The following ACVR2A variants were observed in gnomAD, a reference collection of about 807,000 sequenced individuals.
ACVR2A encodes activin A receptor type 2A.
A neutral mutation model predicts 61.4 loss-of-function variants in ACVR2A; 7 were observed. The ratio of observed to expected loss-of-function variants is 0.11; its 90% CI spans 0.06 to 0.21. ACVR2A has a LOEUF of 0.21. Among genes scored for constraint, ACVR2A ranks in the 10% least tolerant of loss-of-function variants. ACVR2A has a pLI of 1.00. For missense variants in ACVR2A, 322 were observed against 621.7 expected (o/e 0.52, Z 5.13); for synonymous variants, 193 against 208.3 (o/e 0.93, Z 0.63).
At chr2:147,904,978 A>G (rs1445747065) in intron 4 of ACVR2A, among the ~76,000 whole-genome samples, 1 of 152,052 alleles carries the variant, frequency 6.6e-6, no homozygotes, top group Non-Finnish European at 1.5e-5. Context: ...TTATGAACAC[A>G]TCTCTTTCTC....
intron 1 of ACVR2A, among the ~76,000 whole-genome samples, chr2:147,850,228 T>G (rs1249916787): frequency 6.6e-6 from 1 of 152,138 alleles, no homozygotes; most frequent in African/African-American, 2.4e-5. Flanking sequence ...ACTGCTTGCT[T>G]GTGGAACCCA....
chr2:147,915,333 A>G lies in ACVR2A; in HGVS notation c.671A>G (p.Gln224Arg), dbSNP rs775338527. ...GTGGCTGTCAAAATATTTCCAATAC[A>G]GGTATGTTTATTGCAGTTTTGTCAT... ...EYVAVKIFPI[Q>R]DKQSWQNEYE... Residue 224 changes from glutamine to arginine, a missense_variant and splice_region_variant, in exon 5 of 11, where the codon CAG becomes CGG. By Grantham distance (43) the Gln-to-Arg change is conservative. Transcript: ENST00000241416. 1.2e-6 allele frequency: 2 copies of G among 1,611,376 alleles called. No homozygotes were observed. Among genetic ancestry groups the G allele is most frequent in the South Asian group, 1.1e-5 (1 of 90,946 alleles).
chr2:147,927,197 A>G lies in ACVR2A; in HGVS notation c.1465A>G (p.Ile489Val), dbSNP rs775215388. 1 of 1,612,310 alleles carries G rather than the reference A, an allele frequency of 6.2e-7. No individual in the cohort carries two copies. The highest frequency in any genetic ancestry group is 1.3e-5 in the African/African-American group (1 of 74,896). Residue 489 changes from isoleucine (I) to valine (V), a missense_variant, in exon 11 of 11, where the codon ATT becomes GTT. This residue lies in a region of ACVR2A where 34 missense variants were observed against 37.6 expected (regional missense o/e 0.91). Coordinates refer to ENST00000241416, the MANE Select transcript of ACVR2A (RefSeq NM_001616.5). Reference sequence around the variant, plus strand: ...CCAGATGCAGAGACTAACAAATATTATTACCACAGAGGACATTGTAACAGT... The same window carrying G: ...CCAGATGCAGAGACTAACAAATATTGTTACCACAGAGGACATTGTAACAGT... ...ITQMQRLTNI[I>V]TTEDIVTVVT...
At chr2:147,889,568 C>A (rs541228839) in intron 1 of ACVR2A, among the ~76,000 whole-genome samples, 1 of 151,850 alleles carries the variant, frequency 6.6e-6, no homozygotes, top group Admixed American at 6.6e-5. Context: ...CACGGTGAAA[C>A]CCTGTTTCCA....
intron 9 of ACVR2A, among the ~76,000 whole-genome samples, chr2:147,925,282 C>A (rs1687475673): frequency 6.6e-6 from 1 of 151,922 alleles, no homozygotes; most frequent in South Asian, 2.1e-4. Context: ...GCCATCTTAA[C>A]CCTGTGAAGT....
intron 9 of ACVR2A, 70 bp downstream of exon 9, chr2:147,923,181 C>T: frequency 2.7e-6 from 4 of 1,466,120 alleles, no homozygotes; most frequent in Non-Finnish European, 3.7e-6. Flanking sequence ...GGATGATACA[C>T]TCCAAGGTAA....
Position 147,929,516 on chromosome 2 carries a change from AT to A in ACVR2A, c.*2245del, listed in dbSNP as rs1227962633. 6.6e-6 allele frequency: 1 copy of A among 152,444 alleles called. No individual in the cohort carries two copies. The highest frequency in any genetic ancestry group is 1.9e-4 in the East Asian group (1 of 5,194). The allele number at this position is 152,444 out of a possible 1,614,324, so 9.4% of individuals were successfully genotyped here. On this transcript the variant is annotated 3_prime_UTR_variant, in exon 11 of 11. Coordinates refer to ENST00000241416, the MANE Select transcript of ACVR2A (RefSeq NM_001616.5). ...AATTTTTAGAAATCCTGGGTATTGT[AT>A]TTAACTGTAGCTAACCAATTTTAAA...
At chr2:147,890,594 T>G (rs1277959377) in intron 1 of ACVR2A, among the ~76,000 whole-genome samples, 1 of 152,146 alleles carries the variant, frequency 6.6e-6, no homozygotes, top group East Asian at 1.9e-4. Context: ...CTTTTATACT[T>G]ATTTATTTCT....
chr2:147,920,767 T>C (rs1401270278), intron 8 of ACVR2A, among the ~76,000 whole-genome samples: 2 of 152,172 alleles, frequency 1.3e-5, no homozygotes, highest in African/African-American at 4.8e-5. Context: ...TAATAGTTTA[T>C]TGCTTCTTGT....
At chr2:147,846,487 T>A (rs572927693) in intron 1 of ACVR2A, among the ~76,000 whole-genome samples, 68 of 152,180 alleles carry the variant, frequency 4.5e-4, no homozygotes, top group Admixed American at 8.5e-4. Flanking sequence ...CATTTCCTTG[T>A]GGTTAATAAA....
intron 1 of ACVR2A, among the ~76,000 whole-genome samples, chr2:147,847,683 C>T (rs373185997): frequency 3.9e-5 from 6 of 152,272 alleles, no homozygotes; most frequent in East Asian, 1.9e-4. Context: ...TAATTTCCTC[C>T]TCTCTCTCAT....
intron 1 of ACVR2A, among the ~76,000 whole-genome samples, chr2:147,884,204 G>A (rs763331909): frequency 2.0e-5 from 3 of 152,110 alleles, no homozygotes; most frequent in Non-Finnish European, 4.4e-5. Flanking sequence ...TCTGTTGCAA[G>A]TATTGGCCTC....
chr2:147,857,990 G>A (rs536961872), intron 1 of ACVR2A, among the ~76,000 whole-genome samples: 8 of 151,880 alleles, frequency 5.3e-5, no homozygotes, highest in Admixed American at 5.3e-4. Flanking sequence ...CCTCCCATAG[G>A]CCCCAGTGTT....
chr2:147,883,244 G>A (rs1271011885), intron 1 of ACVR2A, among the ~76,000 whole-genome samples: 3 of 152,316 alleles, frequency 2.0e-5, no homozygotes, highest in Admixed American at 1.3e-4. Flanking sequence ...AGGCTGGAGT[G>A]CAATGGCACG....
intron 1 of ACVR2A, among the ~76,000 whole-genome samples, chr2:147,857,532 T>TAAAAAAAA (rs1003153545): frequency 4.5e-5 from 5 of 111,482 alleles, no homozygotes; most frequent in Middle Eastern, 3.8e-3. Flanking sequence ...TGGTTTTCTT[T>TAAAAAAAA]AAAAAAAAAA....
intron 4 of ACVR2A, among the ~76,000 whole-genome samples, chr2:147,911,240 G>A (rs980015283): frequency 6.6e-6 from 1 of 152,052 alleles, no homozygotes; most frequent in African/African-American, 2.4e-5. Context: ...ACTTGATTTA[G>A]TTTGTTTGCA....
chr2:147,924,357 C>A (rs562972257), intron 9 of ACVR2A, among the ~76,000 whole-genome samples: 1 of 151,852 alleles, frequency 6.6e-6, no homozygotes, highest in African/African-American at 2.4e-5. Context: ...AAAATATATC[C>A]TGGACAATTA....
chr2:147,873,200 A>G (rs543454245), intron 1 of ACVR2A, among the ~76,000 whole-genome samples: 4 of 152,052 alleles, frequency 2.6e-5, no homozygotes, highest in South Asian at 4.1e-4. Flanking sequence ...GTTTAGCACT[A>G]TGGAGTGTCT....
chr2:147,893,253 T>G (rs920949896), intron 1 of ACVR2A, among the ~76,000 whole-genome samples: 3 of 152,216 alleles, frequency 2.0e-5, no homozygotes, highest in East Asian at 1.9e-4. Context: ...CCTTTTTTAT[T>G]GTATGGATAT....
Sources: gnomAD v4.1 joint callset for allele counts (sites outside exome capture counted in the v4.1 genomes callset) on GRCh38, gnomAD v4.1.1 for gene constraint, gnomAD v4.1.1 regional missense constraint, MANE v1.5 for transcripts, NCBI Gene and HGNC (gene_info 2026-07-23, HGNC 2026-07-21) for gene names.